FSTL5: variants seen among roughly 807,000 people sequenced by gnomAD.
FSTL5 encodes the protein follistatin-related protein 5.
In FSTL5, 62 loss-of-function variants were observed where a neutral mutation model predicts 89.1. That is an observed-to-expected ratio of 0.70 (90% CI 0.57 to 0.86). The LOEUF (loss-of-function observed/expected upper bound fraction) is 0.86, where lower values mean the gene tolerates loss of function less well. FSTL5 is among the 40% of genes least tolerant of loss of function. The pLI is 0.00. For missense variants in FSTL5, 1,057 were observed against 1,001.6 expected (o/e 1.06, Z -0.75); for synonymous variants, 383 against 346.2 (o/e 1.11, Z -1.18).
chr4:161,990,443 A>G (rs1736079652), intron 3 of FSTL5, among the ~76,000 whole-genome samples: 1 of 152,140 alleles, frequency 6.6e-6, no homozygotes, highest in South Asian at 2.1e-4. Context: ...TTAAATATGA[A>G]TAAATTATTA....
chr4:161,871,144 C>T (rs2314269), intron 4 of FSTL5, among the ~76,000 whole-genome samples: 89,800 of 151,900 alleles, frequency 0.59, 27,006 homozygotes, highest in East Asian at 0.81. Context: ...AAACCAAATA[C>T]TTTATGACTC....
chr4:161,481,924 C>A (rs1234058197), intron 12 of FSTL5, among the ~76,000 whole-genome samples: 1 of 152,170 alleles, frequency 6.6e-6, no homozygotes, highest in Non-Finnish European at 1.5e-5. Context: ...GGAGTCACAG[C>A]ATAAGTAAAA....
chr4:161,998,893 CG>C (rs1354445686), intron 3 of FSTL5, among the ~76,000 whole-genome samples: 7 of 145,082 alleles, frequency 4.8e-5, no homozygotes, highest in African/African-American at 1.8e-4. Flanking sequence ...CACACACACA[CG>C]AGTCAGGTTG....
At chr4:161,768,513 C>G (rs12646805) in intron 5 of FSTL5, among the ~76,000 whole-genome samples, 20,962 of 151,734 alleles carry the variant, frequency 0.14, 2,777 homozygotes, top group African/African-American at 0.34. Flanking sequence ...AGGCAAGGCT[C>G]TTATATTCTA....
chr4:161,524,731 G>A (rs776276786), intron 10 of FSTL5, among the ~76,000 whole-genome samples: 7 of 152,042 alleles, frequency 4.6e-5, no homozygotes, highest in East Asian at 1.9e-4. Context: ...AGGCTGAGAC[G>A]GGCGGATCAC....
chr4:161,511,141 G>A (rs1183807164), intron 10 of FSTL5, among the ~76,000 whole-genome samples: 1 of 152,068 alleles, frequency 6.6e-6, no homozygotes, highest in Non-Finnish European at 1.5e-5. Context: ...ATAATTCAAA[G>A]TTACAATAAC....
intron 4 of FSTL5, among the ~76,000 whole-genome samples, chr4:161,891,360 A>C (rs1732982734): frequency 6.6e-6 from 1 of 152,106 alleles, no homozygotes; most frequent in South Asian, 2.1e-4. Flanking sequence ...GTTCTCCTTT[A>C]AGACAAATGT....
chr4:162,121,699 T>C (rs570354364), intron 1 of FSTL5, among the ~76,000 whole-genome samples: 1 of 152,162 alleles, frequency 6.6e-6, no homozygotes, highest in Admixed American at 6.5e-5. Context: ...TTTGCTTATA[T>C]ATGACAGTAT....
intron 3 of FSTL5, among the ~76,000 whole-genome samples, chr4:161,985,386 C>T (rs359489): frequency 0.99 from 151,346 of 152,264 alleles, 75,227 homozygotes; most frequent in Middle Eastern, 1. Context: ...TGAAGTAGAA[C>T]TAGTTTTTTT....
intron 6 of FSTL5, among the ~76,000 whole-genome samples, chr4:161,683,370 T>C (rs1277067780): frequency 2.6e-5 from 4 of 152,248 alleles, no homozygotes; most frequent in South Asian, 2.1e-4. Context: ...TATTAACATA[T>C]ATAAAATACA....
intron 7 of FSTL5, among the ~76,000 whole-genome samples, chr4:161,592,112 T>C (rs1448775801): frequency 6.6e-6 from 1 of 152,114 alleles, no homozygotes; most frequent in Middle Eastern, 3.2e-3. Context: ...GGAAGTGTTT[T>C]GAGAGTGCAT....
chr4:161,488,627 G>A (rs1291445105), intron 12 of FSTL5, among the ~76,000 whole-genome samples: 1 of 151,942 alleles, frequency 6.6e-6, no homozygotes, highest in East Asian at 1.9e-4. Flanking sequence ...GGTAAATTGG[G>A]TATAATGATA....
At chr4:161,925,096 T>C (rs181536198) in intron 3 of FSTL5, among the ~76,000 whole-genome samples, 4 of 151,906 alleles carry the variant, frequency 2.6e-5, no homozygotes, top group Admixed American at 6.6e-5. Flanking sequence ...AATTTATCTT[T>C]GGATTTGCTC....
At chr4:161,636,562 C>G (rs187648914) in intron 7 of FSTL5, among the ~76,000 whole-genome samples, 3 of 149,030 alleles carry the variant, frequency 2.0e-5, no homozygotes, top group Non-Finnish European at 4.4e-5. Flanking sequence ...GCTGCACGCA[C>G]TAACTCGTCA....
intron 4 of FSTL5, among the ~76,000 whole-genome samples, chr4:161,778,776 G>A (rs889363019): frequency 6.6e-6 from 1 of 152,222 alleles, no homozygotes; most frequent in South Asian, 2.1e-4. Context: ...CGTAGCCATT[G>A]CTAGCAATTT....
At chr4:162,092,140 T>G (rs1266442807) in intron 2 of FSTL5, among the ~76,000 whole-genome samples, 3 of 152,108 alleles carry the variant, frequency 2.0e-5, no homozygotes, top group African/African-American at 7.2e-5. Context: ...TAGAATAATC[T>G]AGGAACTTTT....
chr4:161,732,996 T>C (rs1375948471), intron 6 of FSTL5, among the ~76,000 whole-genome samples: 1 of 151,886 alleles, frequency 6.6e-6, no homozygotes, highest in East Asian at 1.9e-4. Flanking sequence ...TGTAATTTTA[T>C]AGTCAGAGCA....
At chr4:161,938,395 T>G (rs1734489681) in intron 3 of FSTL5, among the ~76,000 whole-genome samples, 1 of 152,126 alleles carries the variant, frequency 6.6e-6, no homozygotes, top group Non-Finnish European at 1.5e-5. Flanking sequence ...TTTAAAATAT[T>G]TTACAGTTTT....
chr4:161,711,232 A>C (rs1272225478), intron 6 of FSTL5, among the ~76,000 whole-genome samples: 1 of 152,032 alleles, frequency 6.6e-6, no homozygotes, highest in Non-Finnish European at 1.5e-5. Context: ...AAAACCAAAA[A>C]TGTTTTAATA....
Sources: gnomAD v4.1 joint callset for allele counts (sites outside exome capture counted in the v4.1 genomes callset) on GRCh38, gnomAD v4.1.1 for gene constraint, MANE v1.5 for transcripts, NCBI Gene and HGNC (gene_info 2026-07-23, HGNC 2026-07-21) for gene names.